The following DEUP1 variants were observed in gnomAD, a reference collection of about 807,000 sequenced individuals.
DEUP1 encodes the protein coiled-coil domain containing 67.
A neutral mutation model predicts 87.4 loss-of-function variants in DEUP1; 82 were observed. The observed-to-expected ratio is 0.94, with a 90% confidence interval of 0.78 to 1.13. DEUP1 has a LOEUF of 1.13. Among genes scored for constraint, DEUP1 ranks in the 50% most tolerant of loss-of-function variants. DEUP1 has a pLI of 0.00. For synonymous variants in DEUP1, 214 were observed against 222.7 expected (o/e 0.96, Z 0.35); for missense variants, 663 against 681.5 (o/e 0.97, Z 0.30).
rs530651825 is a variant in DEUP1 at position 93,340,280 on chromosome 11, G to A, written c.29+7992G>A. On this transcript the variant is annotated intron_variant, in intron 2 of 13. Transcript: ENST00000298050. ...AAAAAAGTGAGAGATGTAGACATCTGGATATCTGGGGGAATGGCATTCCAG... is the reference window on the plus strand; with the variant it reads ...AAAAAAGTGAGAGATGTAGACATCTAGATATCTGGGGGAATGGCATTCCAG... Among the ~76,000 whole-genome samples, 12 of 152,270 alleles carry A rather than the reference G, an allele frequency of 7.9e-5. No individual in the cohort carries two copies. In the East Asian group the frequency reaches 1.9e-3, roughly 25 times the overall value.
At chr11:93,405,551 T>C (rs2134406603) in intron 11 of DEUP1, among the ~76,000 whole-genome samples, 1 of 152,090 alleles carries the variant, frequency 6.6e-6, no homozygotes, top group East Asian at 1.9e-4. Flanking sequence ...CATTCAAAAA[T>C]GAGACTTTGC....
intron 13 of DEUP1, among the ~76,000 whole-genome samples, chr11:93,416,011 C>T (rs1947610030): frequency 6.6e-6 from 1 of 151,976 alleles, no homozygotes; most frequent in Admixed American, 6.6e-5. Flanking sequence ...GGTATGCATA[C>T]CTAAAATGGA....
chr11:93,437,751 C>CT lies in DEUP1; in HGVS notation c.*32_*33insT, dbSNP rs763852863. 3 of 1,045,384 alleles carry CT rather than the reference C, an allele frequency of 2.9e-6. No homozygotes were observed. Among genetic ancestry groups the CT allele is most frequent in the Non-Finnish European group, 4.1e-6 (3 of 723,380 alleles). 64.8% of individuals were successfully genotyped at this position (1,045,384 alleles called of 1,614,324 possible). A position where few individuals can be genotyped will look rare whatever the true frequency, so the allele number is the denominator to read the frequency against. On this transcript the variant is annotated 3_prime_UTR_variant, in exon 14 of 14. Transcript: ENST00000298050. ...AAACTTTTTTATTTGCTTCCCCCCC[C>CT]CACCCCCGCCAAGAAAAAAAGCTCT...
chr11:93,389,084 G>T lies in DEUP1; in HGVS notation c.1000G>T (p.Val334Leu). The part of the protein sequence containing the change: ...PERKIKELFS[V>L]MQDQPNHEKE... ...AAGGAAAATAAAAGAGCTGTTTTCA[G>T]TGATGCAAGATCAACCAAATCATGA... The change falls in exon 9 of 14, where the codon GTG becomes TTG. Residue 334 changes from valine to leucine, a missense_variant. Transcript: ENST00000298050. The T allele has an allele frequency of 6.2e-7, 1 of 1,603,508 alleles. No homozygotes were observed. Among genetic ancestry groups the T allele is most frequent in the South Asian group, 1.1e-5 (1 of 88,210 alleles).
chr11:93,369,651 GC>G (rs1945612239), intron 5 of DEUP1, among the ~76,000 whole-genome samples: 1 of 6,716 alleles, frequency 1.5e-4, no homozygotes, highest in South Asian at 4.6e-3. Context: ...TGGATTTACG[GC>G]CGGGCGCGGT....
Position 93,437,790 on chromosome 11 carries a change from C to G in DEUP1, c.*71C>G. On this transcript the variant is annotated 3_prime_UTR_variant, in exon 14 of 14. Coordinates refer to ENST00000298050, the MANE Select transcript of DEUP1 (RefSeq NM_181645.4). ...AAAAAAAGCTCTGGCAAAATATTTA[C>G]AAAGCTGATTAATGAAACCAAGAAA... 1.3e-6 allele frequency: 1 copy of G among 788,008 alleles called. No individual in the cohort carries two copies. The highest frequency in any genetic ancestry group is 2.7e-5 in the East Asian group (1 of 37,526). 48.8% of individuals were successfully genotyped at this position (788,008 alleles called of 1,614,324 possible). A position where few individuals can be genotyped will look rare whatever the true frequency, so the allele number is the denominator to read the frequency against.
chr11:93,418,208 G>A (rs12361098), intron 13 of DEUP1, among the ~76,000 whole-genome samples: 125,972 of 151,144 alleles, frequency 0.83, 52,605 homozygotes, highest in East Asian at 0.91. Flanking sequence ...AAGAGCTTCT[G>A]CACAGCAAAA....
At chr11:93,380,534 G>T (rs1946257166) in intron 7 of DEUP1, among the ~76,000 whole-genome samples, 1 of 151,980 alleles carries the variant, frequency 6.6e-6, no homozygotes, top group Non-Finnish European at 1.5e-5. Flanking sequence ...CCTAGTAGCT[G>T]GGACTACAGG....
chr11:93,333,066 G>A (rs1483672929), intron 2 of DEUP1, among the ~76,000 whole-genome samples: 74 of 152,302 alleles, frequency 4.9e-4, no homozygotes, highest in Non-Finnish European at 2.1e-4. Context: ...CACAAGTTTG[G>A]ATAATAATCA....
At chr11:93,334,112 C>G (rs1472012972) in intron 2 of DEUP1, among the ~76,000 whole-genome samples, 1 of 152,184 alleles carries the variant, frequency 6.6e-6, no homozygotes, top group Non-Finnish European at 1.5e-5. Flanking sequence ...TCCTGAGGTA[C>G]TGTTCCACTC....
rs1946686444 is a variant in DEUP1, at chr11:93,389,130, G to GA, written c.1041+10dup. On this transcript the variant is annotated splice_donor_region_variant and intron_variant, in intron 9 of 13. Transcript: ENST00000298050. The stretch of plus-strand genomic sequence containing the variant: ...CATGAAAAAGAATTGAACAAGGTAT[G>GA]AAAAATAATGAGCTCCATTCTTCCA... 1 of 1,467,474 alleles carries GA rather than the reference G, an allele frequency of 6.8e-7. No individual in the cohort carries two copies. Among genetic ancestry groups the GA allele is most frequent in the Admixed American group, 1.8e-5 (1 of 54,550 alleles). 90.9% of individuals were successfully genotyped at this position (1,467,474 alleles called of 1,614,324 possible).
At chr11:93,355,837 G>A (rs1422424191) in intron 3 of DEUP1, among the ~76,000 whole-genome samples, 1 of 152,212 alleles carries the variant, frequency 6.6e-6, no homozygotes, top group Non-Finnish European at 1.5e-5. Context: ...AAAGATGTAA[G>A]TACTCTTGCT....
At chr11:93,393,402 C>T (rs1211152375) in intron 9 of DEUP1, among the ~76,000 whole-genome samples, 1 of 151,782 alleles carries the variant, frequency 6.6e-6, no homozygotes, top group Non-Finnish European at 1.5e-5. Context: ...GGCATGATCT[C>T]AGCCCACTAT....
intron 2 of DEUP1, among the ~76,000 whole-genome samples, chr11:93,333,520 C>A (rs1038758217): frequency 1.3e-5 from 2 of 152,148 alleles, no homozygotes; most frequent in African/African-American, 2.4e-5. Context: ...AGAACTTTAT[C>A]CCAGAGTTAC....
At chr11:93,368,793 G>C (rs773355294) in intron 5 of DEUP1, among the ~76,000 whole-genome samples, 2 of 151,940 alleles carry the variant, frequency 1.3e-5, no homozygotes, top group African/African-American at 2.4e-5. Flanking sequence ...AAAATTATCC[G>C]GGTGTAGTGG....
intron 2 of DEUP1, among the ~76,000 whole-genome samples, chr11:93,336,725 C>G (rs910167709): frequency 6.6e-6 from 1 of 152,140 alleles, no homozygotes; most frequent in African/African-American, 2.4e-5. Context: ...TGCCTGGATT[C>G]GAATGCCAGT....
chr11:93,417,360 A>C (rs1220903378), intron 13 of DEUP1, among the ~76,000 whole-genome samples: 11 of 151,746 alleles, frequency 7.2e-5, no homozygotes, highest in African/African-American at 2.7e-4. Context: ...ATGTGCAAAA[A>C]TCACAAGCAT....
At chr11:93,384,222 A>C (rs951156506) in intron 7 of DEUP1, among the ~76,000 whole-genome samples, 3 of 152,152 alleles carry the variant, frequency 2.0e-5, no homozygotes, top group African/African-American at 7.2e-5. Flanking sequence ...AAGCCATTTA[A>C]ACTCTTCACC....
At chr11:93,373,613 GTATATATATACGTATATATATATATATA>G (rs1224585529) in intron 7 of DEUP1, among the ~76,000 whole-genome samples, 4 of 51,098 alleles carry the variant, frequency 7.8e-5, no homozygotes, top group African/African-American at 1.8e-4. Context: ...ATTTATATAT[GTATATATATACGTATATATATATATATA>G]TATATATATA....
Sources: allele counts gnomAD v4.1 joint callset (sites outside exome capture counted in the v4.1 genomes callset), GRCh38; gene constraint gnomAD v4.1.1; transcripts MANE v1.5; gene names NCBI Gene and HGNC (gene_info 2026-07-23, HGNC 2026-07-21).